The following FNDC3A variants were observed in gnomAD, a reference collection of about 807,000 sequenced individuals.
FNDC3A encodes fibronectin type-III domain-containing protein 3A.
Under a neutral mutation model 148.9 loss-of-function variants are expected in FNDC3A, and 32 were observed. That is an observed-to-expected ratio of 0.21 (90% CI 0.16 to 0.29). FNDC3A has a LOEUF of 0.29. Among genes scored for constraint, FNDC3A ranks in the 10% least tolerant of loss-of-function variants. The pLI is 1.00. For synonymous variants in FNDC3A, 472 were observed against 473.6 expected, an observed-to-expected ratio of 1.00 and a Z score of 0.04; for missense variants, 1,191 against 1,452.8, an observed-to-expected ratio of 0.82 and a Z score of 2.93.
At chr13:49,142,814 A>G (rs1882764579) in intron 7 of FNDC3A, among the ~76,000 whole-genome samples, 1 of 152,168 alleles carries the variant, frequency 6.6e-6, no homozygotes, top group Admixed American at 6.5e-5. Flanking sequence ...ATCTTATCCC[A>G]ATGTAGTCAC....
chr13:49,027,141 C>A (rs2137655638), intron 2 of FNDC3A, among the ~76,000 whole-genome samples: 1 of 152,238 alleles, frequency 6.6e-6, no homozygotes, highest in Non-Finnish European at 1.5e-5. Context: ...TCATAGTTAG[C>A]CAGTTGACAC....
At chr13:49,132,880 C>A (rs564499319) in intron 5 of FNDC3A, among the ~76,000 whole-genome samples, 6 of 152,268 alleles carry the variant, frequency 3.9e-5, no homozygotes, top group African/African-American at 1.4e-4. Context: ...AACACAATTT[C>A]TTTTTTGTCA....
intron 2 of FNDC3A, among the ~76,000 whole-genome samples, chr13:49,059,859 A>T (rs1323475501): frequency 6.6e-6 from 1 of 152,254 alleles, no homozygotes; most frequent in Non-Finnish European, 1.5e-5. Context: ...AACTGGGCAA[A>T]TGACTTGAAA....
intron 3 of FNDC3A, chr13:49,110,317 GT>G: frequency 6.5e-7 from 1 of 1,539,286 alleles, no homozygotes. Context: ...AAAAAAAGCC[GT>G]TCTCCAATTA....
chr13:49,111,804 G>T (rs935336606), intron 3 of FNDC3A, among the ~76,000 whole-genome samples: 1 of 151,594 alleles, frequency 6.6e-6, no homozygotes, highest in Non-Finnish European at 1.5e-5. Context: ...AGAGTGAAAG[G>T]ATTACTTCGT....
chr13:49,030,083 G>C (rs549290733), intron 2 of FNDC3A, among the ~76,000 whole-genome samples: 10 of 152,182 alleles, frequency 6.6e-5, no homozygotes, highest in Middle Eastern at 6.8e-3. Context: ...CAGAGACATT[G>C]CAAGAAAACC....
At chr13:49,059,551 G>A (rs897957341) in intron 2 of FNDC3A, among the ~76,000 whole-genome samples, 5 of 152,178 alleles carry the variant, frequency 3.3e-5, no homozygotes, top group Admixed American at 1.3e-4. Flanking sequence ...AGCCTCCTGG[G>A]TTCAAGTGAT....
intron 8 of FNDC3A, among the ~76,000 whole-genome samples, chr13:49,158,064 C>G (rs546010284): frequency 6.6e-5 from 10 of 152,248 alleles, no homozygotes; most frequent in South Asian, 2.1e-4. Context: ...TCGAGCTTCC[C>G]GGCTGCTTTG....
intron 3 of FNDC3A, among the ~76,000 whole-genome samples, chr13:49,102,392 C>T (rs1354997345): frequency 4.6e-5 from 7 of 152,118 alleles, no homozygotes; most frequent in Admixed American, 4.6e-4. Context: ...AATATAGGTA[C>T]ATTTTGCTTT....
intron 2 of FNDC3A, among the ~76,000 whole-genome samples, chr13:49,049,113 T>C (rs143749339): frequency 6.6e-6 from 1 of 152,356 alleles, no homozygotes; most frequent in African/African-American, 2.4e-5. Context: ...ATCACATTTA[T>C]TGACTTATGT....
At chr13:49,188,288 CAG>C (rs1885692902) in intron 16 of FNDC3A, among the ~76,000 whole-genome samples, 1 of 152,170 alleles carries the variant, frequency 6.6e-6, no homozygotes, top group Admixed American at 6.5e-5. Flanking sequence ...AAAGTCTGTA[CAG>C]AGTTACAGAG....
In FNDC3A at chr13:49,172,110, A is replaced by C; in HGVS notation, c.1230+14A>C. ...GAATGGGATGAAGTAAGTAAATTGA[A>C]TCTTTTTAAATGGTTAACATTATGT... is the stretch of plus-strand genomic sequence containing the variant. On this transcript the variant is annotated intron_variant, in intron 11 of 25. Transcript: ENST00000492622. 1 of 1,515,832 alleles carries C rather than the reference A, an allele frequency of 6.6e-7. No individual in the cohort carries two copies. 93.9% of individuals were successfully genotyped at this position (1,515,832 alleles called of 1,614,324 possible).
intron 6 of FNDC3A, among the ~76,000 whole-genome samples, chr13:49,136,864 A>G (rs991693867): frequency 5.9e-5 from 9 of 151,994 alleles, no homozygotes; most frequent in African/African-American, 1.7e-4. Context: ...TGATAAGGCT[A>G]TGCTGCTGGT....
intron 3 of FNDC3A, among the ~76,000 whole-genome samples, chr13:49,088,624 T>C (rs138591649): frequency 6.4e-4 from 98 of 152,334 alleles, no homozygotes; most frequent in African/African-American, 2.0e-3. Context: ...CAGTGTATTA[T>C]TTCCTTCTTC....
chr13:49,081,767 T>C (rs878959992), intron 3 of FNDC3A, among the ~76,000 whole-genome samples: 1 of 152,218 alleles, frequency 6.6e-6, no homozygotes, highest in East Asian at 1.9e-4. Context: ...CATTCACTTA[T>C]TCAGTATTCA....
intron 2 of FNDC3A, among the ~76,000 whole-genome samples, chr13:49,030,945 A>G (rs1874067002): frequency 6.6e-6 from 1 of 152,214 alleles, no homozygotes; most frequent in Non-Finnish European, 1.5e-5. Flanking sequence ...TACATATCCA[A>G]TACGTTGCCT....
intron 2 of FNDC3A, among the ~76,000 whole-genome samples, chr13:49,061,983 A>T (rs1237348614): frequency 6.6e-6 from 1 of 151,248 alleles, no homozygotes; most frequent in Non-Finnish European, 1.5e-5. Context: ...TTTTAAAATC[A>T]CCATTTTACA....
At chr13:49,158,475 A>C (rs1056117804) in intron 8 of FNDC3A, among the ~76,000 whole-genome samples, 5 of 152,278 alleles carry the variant, frequency 3.3e-5, no homozygotes, top group East Asian at 1.9e-4. Context: ...AGAAATCACC[A>C]GTCTTCTGCG....
chr13:49,180,009 C>T (rs1201769100), intron 14 of FNDC3A, among the ~76,000 whole-genome samples: 2 of 152,124 alleles, frequency 1.3e-5, no homozygotes, highest in Admixed American at 6.5e-5. Context: ...AGTTTATATA[C>T]AGATATTTAT....
Sources: gnomAD v4.1 joint callset for allele counts (sites outside exome capture counted in the v4.1 genomes callset) on GRCh38, gnomAD v4.1.1 for gene constraint, MANE v1.5 for transcripts, NCBI Gene and HGNC (gene_info 2026-07-23, HGNC 2026-07-21) for gene names.